Variants in RASEF observed in about 807,000 individuals in gnomAD.
RASEF encodes ras and EF-hand domain-containing protein.
RASEF carries 68 observed loss-of-function variants against 90.1 expected under a neutral mutation model. The observed-to-expected ratio is 0.75, with a 90% CI of 0.62 to 0.92. The LOEUF (loss-of-function observed/expected upper bound fraction) is 0.92. Among genes scored for constraint, RASEF ranks in the 40% least tolerant of loss-of-function variants. RASEF has a pLI of 0.00. For missense variants in RASEF, 949 were observed against 937.2 expected, an observed-to-expected ratio of 1.01 and a Z score of -0.16; for synonymous variants, 331 against 345.2, an observed-to-expected ratio of 0.96 and a Z score of 0.46.
At chr9:83,206,119 G>A in the RASEF span, among the ~76,000 whole-genome samples, 59 of 152,070 alleles carry the variant, frequency 3.9e-4, 1 homozygote, top group South Asian at 6.2e-4. Context: ...ACCTTCTATC[G>A]TTTCAGCCAT....
chr9:83,008,002 C>T (rs1829164925), intron 6 of RASEF, among the ~76,000 whole-genome samples: 1 of 152,136 alleles, frequency 6.6e-6, no homozygotes, highest in Non-Finnish European at 1.5e-5. Flanking sequence ...CTCCTGCTCT[C>T]CCTCCTCTCC....
At chr9:83,115,095 C>A in the RASEF span, among the ~76,000 whole-genome samples, 2 of 152,202 alleles carry the variant, frequency 1.3e-5, no homozygotes, top group East Asian at 3.9e-4. Flanking sequence ...CCTTTTATTT[C>A]TCAAACCGGC....
chr9:82,997,667 A>G (rs1828946830), intron 13 of RASEF, among the ~76,000 whole-genome samples: 1 of 152,184 alleles, frequency 6.6e-6, no homozygotes, highest in South Asian at 2.1e-4. Flanking sequence ...AACCCAGTGC[A>G]ATATTTTATA....
At chr9:83,119,326 G>A in the RASEF span, among the ~76,000 whole-genome samples, 2 of 151,914 alleles carry the variant, frequency 1.3e-5, no homozygotes, top group Non-Finnish European at 2.9e-5. Context: ...GCCCAAGAAA[G>A]CTCAATTTTA....
the RASEF span, among the ~76,000 whole-genome samples, chr9:83,165,709 A>T: frequency 3.3e-5 from 5 of 152,156 alleles, no homozygotes; most frequent in Non-Finnish European, 2.9e-5. Flanking sequence ...CAATGAAACC[A>T]AAAGCTGGTT....
chr9:83,026,167 T>C (rs1829545076), intron 1 of RASEF, among the ~76,000 whole-genome samples: 1 of 152,166 alleles, frequency 6.6e-6, no homozygotes, highest in Non-Finnish European at 1.5e-5. Flanking sequence ...AGGATTTTGT[T>C]GTTGTTCCTG....
At chr9:83,047,131 T>C (rs527708331) in intron 1 of RASEF, among the ~76,000 whole-genome samples, 1 of 152,218 alleles carries the variant, frequency 6.6e-6, no homozygotes, top group Non-Finnish European at 1.5e-5. Context: ...GTGCACGTGA[T>C]GGGAAGGGGC....
chr9:83,167,735 C>T, the RASEF span, among the ~76,000 whole-genome samples: 3 of 152,178 alleles, frequency 2.0e-5, no homozygotes, highest in East Asian at 5.8e-4. Context: ...TACAAATTTG[C>T]CTATTCTGGA....
At chr9:83,072,520 A>G in the RASEF span, among the ~76,000 whole-genome samples, 1 of 152,220 alleles carries the variant, frequency 6.6e-6, no homozygotes, top group Non-Finnish European at 1.5e-5. Context: ...AGGAGCAAGG[A>G]AGCCAGTCTG....
chr9:83,044,915 G>C (rs964563953), intron 1 of RASEF, among the ~76,000 whole-genome samples: 1 of 152,116 alleles, frequency 6.6e-6, no homozygotes, highest in Non-Finnish European at 1.5e-5. Context: ...GACCTTAACA[G>C]AACAAAGACT....
At chr9:83,143,637 T>C in the RASEF span, among the ~76,000 whole-genome samples, 2 of 152,082 alleles carry the variant, frequency 1.3e-5, no homozygotes, top group Admixed American at 1.3e-4. Context: ...ATGGCTGTTA[T>C]TAAAAAGTCA....
the RASEF span, among the ~76,000 whole-genome samples, chr9:83,110,318 A>G: frequency 6.6e-6 from 1 of 152,096 alleles, no homozygotes; most frequent in Non-Finnish European, 1.5e-5. Context: ...ACCCCTTCCC[A>G]ATTGGCTTGA....
the RASEF span, among the ~76,000 whole-genome samples, chr9:83,134,449 C>CACACACACACAT: frequency 7.2e-6 from 1 of 139,322 alleles, no homozygotes; most frequent in African/African-American, 2.6e-5. Context: ...CACACACACA[C>CACACACACACAT]ATATATATAT....
At chr9:82,996,104 T>C (rs1240901810) in intron 14 of RASEF, among the ~76,000 whole-genome samples, 1 of 152,174 alleles carries the variant, frequency 6.6e-6, no homozygotes, top group African/African-American at 2.4e-5. Flanking sequence ...TTACTGCCAA[T>C]TGCAATCAGT....
intron 16 of RASEF, among the ~76,000 whole-genome samples, chr9:82,990,075 A>G (rs929057222): frequency 7.2e-5 from 11 of 152,176 alleles, no homozygotes; most frequent in East Asian, 3.8e-4. Flanking sequence ...AGTTGTATTC[A>G]TAATAGTCCC....
the RASEF span, among the ~76,000 whole-genome samples, chr9:83,121,132 G>A: frequency 2.0e-5 from 3 of 152,032 alleles, no homozygotes; most frequent in Non-Finnish European, 4.4e-5. Context: ...ATTAAATCTT[G>A]TATGAAAACT....
rs772456585 is a variant in RASEF at position 83,015,831 on chromosome 9, G to T, written c.739C>A (p.Gln247Lys). The T allele has an allele frequency of 1.1e-5, 18 of 1,613,682 alleles. No homozygotes were observed. In the Admixed American group the frequency reaches 2.7e-4, roughly 24 times the overall value. ...TTTCTTAGCTTTTTAATGGTCACCT[G>T]CAGATCTCCTACTTCAGTTTCATAC... The part of the protein sequence containing the change: ...RQYETEVGDL[Q>K]VTIKKLRKLE... Residue 247 changes from glutamine (Q) to lysine (K), a missense_variant, in exon 4 of 17, where the codon CAG (glutamine) becomes AAG (lysine). By Grantham distance (53) the Gln-to-Lys change is moderately conservative. Coordinates refer to ENST00000376447, the MANE Select transcript of RASEF (RefSeq NM_152573.4).
the RASEF span, among the ~76,000 whole-genome samples, chr9:83,085,934 T>A: frequency 2.0e-5 from 3 of 151,538 alleles, no homozygotes; most frequent in South Asian, 6.3e-4. Context: ...CCAAAAAAAA[T>A]AAAAAATAAA....
chr9:83,066,231 C>T (rs1830281381), upstream of RASEF, among the ~76,000 whole-genome samples: 1 of 152,174 alleles, frequency 6.6e-6, no homozygotes, highest in Admixed American at 6.5e-5. Context: ...AAATATCAAG[C>T]AGATCTTTTA....
Sources: allele counts gnomAD v4.1 joint callset (sites outside exome capture counted in the v4.1 genomes callset), GRCh38; gene constraint gnomAD v4.1.1; transcripts MANE v1.5; gene names NCBI Gene and HGNC (gene_info 2026-07-23, HGNC 2026-07-21).